PTH2R: variants seen among roughly 807,000 people sequenced by gnomAD.
PTH2R encodes the protein parathyroid hormone 2 receptor, also known as PTH2 receptor.
PTH2R carries 59 observed loss-of-function variants against 60.3 expected under a neutral mutation model. The observed-to-expected ratio is 0.98, with a 90% CI of 0.79 to 1.22. PTH2R has a LOEUF of 1.22. Among genes scored for constraint, PTH2R ranks in the 50% most tolerant of loss-of-function variants. The pLI, the probability that PTH2R is intolerant of heterozygous loss-of-function variation, is 0.00. For missense variants in PTH2R, 749 were observed against 682.6 expected (o/e 1.10, Z -1.08); for synonymous variants, 256 against 243.8 (o/e 1.05, Z -0.47).
At chr2:208,367,381 C>T (rs1195910427) in intron 1 of PTH2R, among the ~76,000 whole-genome samples, 1 of 151,464 alleles carries the variant, frequency 6.6e-6, no homozygotes, top group Non-Finnish European at 1.5e-5. Context: ...TGGCTTCACT[C>T]CTTCAAATTT....
chr2:208,424,145 C>T (rs1701810652), intron 1 of PTH2R, among the ~76,000 whole-genome samples: 1 of 152,192 alleles, frequency 6.6e-6, no homozygotes, highest in Admixed American at 6.5e-5. Flanking sequence ...CACTGTGTTA[C>T]TGTCAGGAGG....
intron 10 of PTH2R, among the ~76,000 whole-genome samples, chr2:208,485,208 C>T (rs762689198): frequency 7.2e-5 from 11 of 152,168 alleles, no homozygotes; most frequent in East Asian, 1.9e-4. Flanking sequence ...TCTAGAGCTG[C>T]TCACCTGGAG....
chr2:208,460,908 T>C (rs907686359), intron 9 of PTH2R, among the ~76,000 whole-genome samples: 1 of 152,192 alleles, frequency 6.6e-6, no homozygotes, highest in African/African-American at 2.4e-5. Flanking sequence ...TCTTCTTGTT[T>C]TCTTTTGGAC....
At chr2:208,390,313 TGAGAG>T (rs1233795124) in intron 1 of PTH2R, among the ~76,000 whole-genome samples, 1 of 152,174 alleles carries the variant, frequency 6.6e-6, no homozygotes, top group Non-Finnish European at 1.5e-5. Context: ...AATGTTCTCC[TGAGAG>T]GAGTTAGTCA....
chr2:208,377,895 A>G (rs1700835306), intron 1 of PTH2R, among the ~76,000 whole-genome samples: 1 of 139,058 alleles, frequency 7.2e-6, no homozygotes, highest in Admixed American at 7.2e-5. Flanking sequence ...CAGACTGGGC[A>G]GCCAGGCAGA....
At position 208,422,496 on chromosome 2, in the gene PTH2R, G is replaced by A. The variant is rs567165148; in HGVS notation, c.76-5705G>A. Among the ~76,000 whole-genome samples the A allele has an allele frequency of 2.6e-4, 40 of 152,092 alleles. 1 individual carries two copies. In the South Asian group the frequency reaches 7.3e-3, roughly 28 times the overall value. ...ATCTTTCCAAGAGAATATTATATTC[G>A]TTAAGTAGACTTCACTTTAGGAAAG... On this transcript the variant is annotated intron_variant, in intron 1 of 12. Transcript: ENST00000272847.
chr2:208,443,095 AC>A (rs1167494568), intron 5 of PTH2R, among the ~76,000 whole-genome samples: 1 of 152,230 alleles, frequency 6.6e-6, no homozygotes, highest in Non-Finnish European at 1.5e-5. Context: ...CATAGCATTC[AC>A]ATTGTATTTG....
intron 1 of PTH2R, among the ~76,000 whole-genome samples, chr2:208,394,581 C>G (rs1014795261): frequency 3.3e-5 from 5 of 152,278 alleles, no homozygotes; most frequent in South Asian, 4.2e-4. Context: ...CCCTAAGCAG[C>G]CTTAGTCCTC....
At chr2:208,378,559 C>A (rs185813183) in intron 1 of PTH2R, among the ~76,000 whole-genome samples, 2 of 151,998 alleles carry the variant, frequency 1.3e-5, no homozygotes, top group East Asian at 3.9e-4. Context: ...GAGGGTGGAG[C>A]CCTCCCGAAT....
At chr2:208,370,608 T>G (rs1700682219) in intron 1 of PTH2R, among the ~76,000 whole-genome samples, 1 of 151,980 alleles carries the variant, frequency 6.6e-6, no homozygotes, top group South Asian at 2.1e-4. Context: ...TCTGTTGTAA[T>G]CTATGTTCTT....
chr2:208,424,111 C>T (rs771209513), intron 1 of PTH2R, among the ~76,000 whole-genome samples: 43 of 152,264 alleles, frequency 2.8e-4, no homozygotes, highest in Non-Finnish European at 5.3e-4. Context: ...CTCTGACCCC[C>T]GCTCCAGCAG....
upstream of PTH2R, among the ~76,000 whole-genome samples, chr2:208,402,687 T>C (rs2105825742): frequency 6.6e-6 from 1 of 152,328 alleles, no homozygotes; most frequent in South Asian, 2.1e-4. Context: ...TGCCTTCGTG[T>C]GCTGAAAGAC....
At chr2:208,459,274 A>C (rs1285297709) in intron 8 of PTH2R, among the ~76,000 whole-genome samples, 1 of 152,196 alleles carries the variant, frequency 6.6e-6, no homozygotes, top group Non-Finnish European at 1.5e-5. Flanking sequence ...CTAAAGAACC[A>C]CATTTACATT....
At chr2:208,456,156 C>T (rs913887952) in intron 8 of PTH2R, among the ~76,000 whole-genome samples, 7 of 151,778 alleles carry the variant, frequency 4.6e-5, no homozygotes, top group Admixed American at 2.0e-4. Context: ...GCAGGAGAAT[C>T]GCCTGAACTG....
intron 1 of PTH2R, among the ~76,000 whole-genome samples, chr2:208,390,142 A>G (rs1022936169): frequency 2.0e-5 from 3 of 152,184 alleles, no homozygotes; most frequent in African/African-American, 7.2e-5. Context: ...ACTGTCAGCA[A>G]TTACAAGTGT....
chr2:208,487,248 C>T (rs551341738), intron 10 of PTH2R, among the ~76,000 whole-genome samples: 1 of 152,264 alleles, frequency 6.6e-6, no homozygotes, highest in South Asian at 2.1e-4. Flanking sequence ...ATCACACTCA[C>T]ACAGGTAGTT....
At chr2:208,473,467 G>C (rs557066344) in intron 9 of PTH2R, among the ~76,000 whole-genome samples, 1 of 152,306 alleles carries the variant, frequency 6.6e-6, no homozygotes, top group South Asian at 2.1e-4. Context: ...GAGAACACTG[G>C]ACTGGACAAA....
At chr2:208,401,885 T>G (rs1051659097), upstream of PTH2R, among the ~76,000 whole-genome samples, 3 of 152,116 alleles carry the variant, frequency 2.0e-5, no homozygotes, top group Non-Finnish European at 2.9e-5. Flanking sequence ...CCACAGTGTG[T>G]TGTTGTTATT....
chr2:208,409,500 G>A (rs373745753), intron 1 of PTH2R, among the ~76,000 whole-genome samples: 3 of 152,192 alleles, frequency 2.0e-5, no homozygotes, highest in East Asian at 3.9e-4. Flanking sequence ...AATTTTTTTA[G>A]CATACCCAGT....
Sources: allele counts gnomAD v4.1 joint callset (sites outside exome capture counted in the v4.1 genomes callset), GRCh38; gene constraint gnomAD v4.1.1; transcripts MANE v1.5; gene names NCBI Gene and HGNC (gene_info 2026-07-23, HGNC 2026-07-21).